The following ALCAM variants were observed in gnomAD, a reference collection of about 807,000 sequenced individuals.
ALCAM encodes CD166 antigen.
Under a neutral mutation model 70.9 loss-of-function variants are expected in ALCAM, and 30 were observed. That is an observed-to-expected ratio of 0.42 (90% CI 0.32 to 0.57). The LOEUF (loss-of-function observed/expected upper bound fraction) is 0.57. Ranked by LOEUF, ALCAM falls within the 20% of genes least tolerant of loss-of-function variation. The pLI, the probability that ALCAM is intolerant of heterozygous loss-of-function variation, is 0.11. For missense variants in ALCAM, 591 were observed against 695.1 expected, an observed-to-expected ratio of 0.85 and a Z score of 1.68; for synonymous variants, 249 against 242.5, an observed-to-expected ratio of 1.03 and a Z score of -0.25.
intron 4 of ALCAM, among the ~76,000 whole-genome samples, chr3:105,533,348 GA>G (rs1269853756): frequency 6.6e-6 from 1 of 152,118 alleles, no homozygotes; most frequent in African/African-American, 2.4e-5. Flanking sequence ...AAATGAATGT[GA>G]TTTTATAATA....
chr3:105,392,044 A>G (rs895840988), intron 1 of ALCAM, among the ~76,000 whole-genome samples: 3 of 149,862 alleles, frequency 2.0e-5, no homozygotes, highest in African/African-American at 4.9e-5. Context: ...CCTCTTTTGT[A>G]TTTCTGCCAG....
chr3:105,536,261 T>TG (rs1025636898), intron 6 of ALCAM, among the ~76,000 whole-genome samples: 2 of 152,074 alleles, frequency 1.3e-5, no homozygotes, highest in Admixed American at 1.3e-4. Flanking sequence ...ACCCTGCTGA[T>TG]TTTTGTATTT....
intron 1 of ALCAM, among the ~76,000 whole-genome samples, chr3:105,455,860 C>CA (rs1937529683): frequency 6.6e-6 from 1 of 152,172 alleles, no homozygotes; most frequent in South Asian, 2.1e-4. Flanking sequence ...AAGGCCAAGG[C>CA]AGGCAGATCA....
chr3:105,368,439 C>G (rs1362428419), intron 1 of ALCAM, among the ~76,000 whole-genome samples: 1 of 151,988 alleles, frequency 6.6e-6, no homozygotes, highest in African/African-American at 2.4e-5. Flanking sequence ...CCTTTGCTCC[C>G]CTAAACTGAA....
chr3:105,530,111 T>A (rs11928663), intron 3 of ALCAM, among the ~76,000 whole-genome samples: 1,602 of 152,168 alleles, frequency 0.011, 24 homozygotes, highest in African/African-American at 0.02. Flanking sequence ...ATGTATTACA[T>A]CTATTGAGCT....
intron 1 of ALCAM, among the ~76,000 whole-genome samples, chr3:105,425,694 A>G (rs1188718769): frequency 6.6e-6 from 1 of 151,748 alleles, no homozygotes; most frequent in Non-Finnish European, 1.5e-5. Context: ...TTAAATAGTC[A>G]CTAATATGTA....
At chr3:105,480,914 A>G (rs1373853756) in intron 1 of ALCAM, among the ~76,000 whole-genome samples, 1 of 152,058 alleles carries the variant, frequency 6.6e-6, no homozygotes, top group East Asian at 1.9e-4. Flanking sequence ...TTTCCACTCT[A>G]GTGGAAAGAA....
chr3:105,418,046 A>T (rs919027311), intron 1 of ALCAM, among the ~76,000 whole-genome samples: 3 of 151,872 alleles, frequency 2.0e-5, no homozygotes, highest in Non-Finnish European at 4.4e-5. Flanking sequence ...GGATGTGATT[A>T]TGTAGTACAT....
chr3:105,501,943 CA>C (rs1052135395), intron 1 of ALCAM, among the ~76,000 whole-genome samples: 4 of 152,180 alleles, frequency 2.6e-5, no homozygotes, highest in Admixed American at 6.5e-5. Flanking sequence ...AAACACTTAT[CA>C]ATTGATATAG....
chr3:105,385,309 A>T (rs756219156), intron 1 of ALCAM, among the ~76,000 whole-genome samples: 8 of 151,598 alleles, frequency 5.3e-5, no homozygotes, highest in Non-Finnish European at 1.0e-4. Context: ...TGTAAAAGAG[A>T]GTATTCTGTA....
At chr3:105,406,608 G>A (rs1251072097) in intron 1 of ALCAM, among the ~76,000 whole-genome samples, 1 of 151,870 alleles carries the variant, frequency 6.6e-6, no homozygotes, top group Non-Finnish European at 1.5e-5. Context: ...AGCACAAATA[G>A]ACAATCTAAA....
At chr3:105,487,926 A>G (rs140324143) in intron 1 of ALCAM, among the ~76,000 whole-genome samples, 1 of 152,276 alleles carries the variant, frequency 6.6e-6, no homozygotes, top group African/African-American at 2.4e-5. Flanking sequence ...TGGATTTTTC[A>G]GTCCTCCAAA....
chr3:105,554,024 G>A (rs1478109695), intron 14 of ALCAM, among the ~76,000 whole-genome samples: 2 of 151,830 alleles, frequency 1.3e-5, no homozygotes, highest in African/African-American at 4.8e-5. Flanking sequence ...TCTCTCCTTA[G>A]TCTTAAGCAG....
intron 1 of ALCAM, among the ~76,000 whole-genome samples, chr3:105,486,847 G>A (rs188112783): frequency 2.9e-3 from 437 of 152,052 alleles, no homozygotes; most frequent in Non-Finnish European, 4.7e-3. Flanking sequence ...GTTAGCATAA[G>A]GTCCAACTTT....
chr3:105,394,642 A>G (rs1475105490), intron 1 of ALCAM, among the ~76,000 whole-genome samples: 1 of 151,748 alleles, frequency 6.6e-6, no homozygotes, highest in Non-Finnish European at 1.5e-5. Context: ...TCCATAAACT[A>G]CTCCTGAAAA....
intron 1 of ALCAM, among the ~76,000 whole-genome samples, chr3:105,460,683 CCAT>C (rs538841474): frequency 1.1e-3 from 172 of 151,798 alleles, no homozygotes; most frequent in African/African-American, 4.0e-3. Flanking sequence ...ACCCCTTCTC[CCAT>C]CATAACTCTT....
chr3:105,451,108 GA>G lies in ALCAM; in HGVS notation c.74-68950del, dbSNP rs944920208. Among the ~76,000 whole-genome samples the G allele has an allele frequency of 7.3e-5, 11 of 150,704 alleles. No individual in the cohort carries two copies. The East Asian group carries it at 1.4e-3, about 19-fold the overall frequency. Reference sequence around the variant, plus strand: ...AAAGAAGTAAGTAAACAAAATAAAGGAAAAAAAAATCTGAGCATGGTGGTGC... The same window carrying G: ...AAAGAAGTAAGTAAACAAAATAAAGGAAAAAAAATCTGAGCATGGTGGTGC... On this transcript the variant is annotated intron_variant, in intron 1 of 15. Transcript: ENST00000306107.
At chr3:105,455,317 C>A (rs1383778968) in intron 1 of ALCAM, among the ~76,000 whole-genome samples, 2 of 151,708 alleles carry the variant, frequency 1.3e-5, no homozygotes, top group Non-Finnish European at 2.9e-5. Flanking sequence ...TGGCGGGCGC[C>A]TGTGGTCCCA....
At chr3:105,524,619 A>G (rs1179893289) in intron 3 of ALCAM, 111 bp downstream of exon 3, 1 of 1,482,204 alleles carries the variant, frequency 6.7e-7, no homozygotes, top group African/African-American at 1.4e-5. Flanking sequence ...GCAGGTATCT[A>G]TATAAGGGGA....
Sources: gnomAD v4.1 joint callset for allele counts (sites outside exome capture counted in the v4.1 genomes callset) on GRCh38, gnomAD v4.1.1 for gene constraint, MANE v1.5 for transcripts, NCBI Gene and HGNC (gene_info 2026-07-23, HGNC 2026-07-21) for gene names.